LRRTM3: variants seen among roughly 807,000 people sequenced by gnomAD.
LRRTM3 encodes the protein leucine-rich repeat transmembrane neuronal protein 3.
LRRTM3 carries 24 observed loss-of-function variants against 44.7 expected under a neutral mutation model. The observed-to-expected ratio is 0.54, with a 90% CI of 0.39 to 0.76. The LOEUF (loss-of-function observed/expected upper bound fraction) is 0.76, where lower values mean the gene tolerates loss of function less well. Among genes scored for constraint, LRRTM3 ranks in the 30% least tolerant of loss-of-function variants. The probability of loss-of-function intolerance (pLI) is 0.00; values close to 1 mark genes in which losing one functional copy is unlikely to be tolerated. For missense variants in LRRTM3, 587 were observed against 702.2 expected (o/e 0.84, Z 1.85); for synonymous variants, 277 against 278.7 (o/e 0.99, Z 0.06).
intron 2 of LRRTM3, among the ~76,000 whole-genome samples, chr10:67,027,436 C>CTT (rs5785811): frequency 0.42 from 56,366 of 134,138 alleles, 12,892 homozygotes; most frequent in Middle Eastern, 0.64. Flanking sequence ...TCTTTCATGA[C>CTT]TTTTTTTTTT....
chr10:67,075,839 T>C (rs2131862774), intron 2 of LRRTM3, among the ~76,000 whole-genome samples: 1 of 152,336 alleles, frequency 6.6e-6, no homozygotes, highest in East Asian at 1.9e-4. Context: ...CAGGAAGCTT[T>C]TATAACTAGC....
chr10:66,929,913 T>C (rs934426800), intron 2 of LRRTM3, among the ~76,000 whole-genome samples: 5 of 152,216 alleles, frequency 3.3e-5, no homozygotes, highest in African/African-American at 9.6e-5. Flanking sequence ...AGTTCTATTA[T>C]AGAAGCAAAT....
In LRRTM3 at chr10:66,928,306, AAG is replaced by A; in HGVS notation, c.1392_1393del (p.Arg466ThrfsTer18). Reference protein sequence around the residue: ...QRSLMRRHRKKKRQSLKQMTP... With the variant: ...QRSLMRRHRKXKRQSLKQMTP... The stretch of plus-strand genomic sequence containing the variant: ...CTCCCTCATGCGAAGGCACAGGAAA[AAG>A]AAAAGACAGTCCCTAAAGCAAATGA... On this transcript the variant is annotated frameshift_variant, in exon 2 of 3. Transcript: ENST00000361320. LOFTEE classifies it high-confidence loss of function. 3 of 1,614,146 alleles carry A rather than the reference AAG, an allele frequency of 1.9e-6. No homozygotes were observed. Among genetic ancestry groups the A allele is most frequent in the Non-Finnish European group, 2.5e-6 (3 of 1,180,030 alleles).
intron 2 of LRRTM3, among the ~76,000 whole-genome samples, chr10:66,944,429 T>C (rs538441912): frequency 1.2e-4 from 18 of 152,140 alleles, no homozygotes; most frequent in Non-Finnish European, 2.5e-4. Flanking sequence ...TTCAGTTACT[T>C]CCTCCACTGA....
At chr10:66,957,095 C>T (rs1220293140) in intron 2 of LRRTM3, among the ~76,000 whole-genome samples, 1 of 152,100 alleles carries the variant, frequency 6.6e-6, no homozygotes, top group African/African-American at 2.4e-5. Context: ...TCACACATTT[C>T]CTGACAAACC....
intron 2 of LRRTM3, among the ~76,000 whole-genome samples, chr10:67,044,519 T>A (rs1466744543): frequency 2.0e-5 from 3 of 152,180 alleles, no homozygotes; most frequent in Admixed American, 6.5e-5. Context: ...TCTGGAAAGT[T>A]TCCCAGATTC....
chr10:66,926,884 TG>T, intron 1 of LRRTM3, 36 bp from the exon 2 acceptor site: 1 of 1,517,862 alleles, frequency 6.6e-7, no homozygotes, highest in Non-Finnish European at 8.8e-7. Context: ...AATTCTTTTT[TG>T]GGGGGATAAC....
chr10:67,099,584 G>A lies in LRRTM3; in HGVS notation c.*1788G>A, dbSNP rs912835944. ...GCAAATGTAAAAGCGGATTCAAGAAGAATGAACTTAAAAACTGTGGAGCAA... is the reference window on the plus strand; with the variant it reads ...GCAAATGTAAAAGCGGATTCAAGAAAAATGAACTTAAAAACTGTGGAGCAA... On this transcript the variant is annotated 3_prime_UTR_variant, in exon 3 of 3. Coordinates refer to ENST00000361320, the MANE Select transcript of LRRTM3 (RefSeq NM_178011.5). 1.3e-5 allele frequency: 2 copies of A among 152,068 alleles called. No homozygotes were observed. The highest frequency in any genetic ancestry group is 4.8e-5 in the African/African-American group (2 of 41,356). 9.4% of individuals were successfully genotyped at this position (152,068 alleles called of 1,614,324 possible).
chr10:66,999,467 T>C (rs1331412950), intron 2 of LRRTM3, among the ~76,000 whole-genome samples: 1 of 152,172 alleles, frequency 6.6e-6, no homozygotes, highest in African/African-American at 2.4e-5. Flanking sequence ...GCTGTTGTCA[T>C]CTTGTATGGA....
chr10:67,038,338 A>C (rs999396251), intron 2 of LRRTM3, among the ~76,000 whole-genome samples: 2 of 152,124 alleles, frequency 1.3e-5, no homozygotes, highest in African/African-American at 4.8e-5. Flanking sequence ...TTAATATTTT[A>C]GTTTACTTAA....
At chr10:67,011,845 G>A (rs10997482) in intron 2 of LRRTM3, among the ~76,000 whole-genome samples, 57,907 of 151,892 alleles carry the variant, frequency 0.38, 11,493 homozygotes, top group Middle Eastern at 0.58. Context: ...GGACCTACAG[G>A]TTGCATGTGG....
chr10:66,952,255 G>A (rs1848574259), intron 2 of LRRTM3, among the ~76,000 whole-genome samples: 1 of 152,150 alleles, frequency 6.6e-6, no homozygotes, highest in Non-Finnish European at 1.5e-5. Context: ...AAACTATGCA[G>A]GGGACAGAGC....
chr10:67,040,618 AT>A (rs890520956), intron 2 of LRRTM3, among the ~76,000 whole-genome samples: 8 of 152,104 alleles, frequency 5.3e-5, no homozygotes, highest in African/African-American at 9.7e-5. Context: ...ATGTGTCTAT[AT>A]TTTTTAAACA....
At chr10:66,941,165 G>A (rs758345585) in intron 2 of LRRTM3, among the ~76,000 whole-genome samples, 9 of 152,078 alleles carry the variant, frequency 5.9e-5, no homozygotes, top group Non-Finnish European at 8.8e-5. Flanking sequence ...CAGCTGAGTC[G>A]GTTAATTAAA....
chr10:66,940,182 T>G (rs1847926102), intron 2 of LRRTM3, among the ~76,000 whole-genome samples: 1 of 152,142 alleles, frequency 6.6e-6, no homozygotes, highest in African/African-American at 2.4e-5. Flanking sequence ...GAAATTTGCA[T>G]TAATCTACTT....
chr10:67,053,056 A>G (rs1855210034), intron 2 of LRRTM3, among the ~76,000 whole-genome samples: 1 of 152,176 alleles, frequency 6.6e-6, no homozygotes, highest in African/African-American at 2.4e-5. Context: ...ACACATACAA[A>G]AGCTAGAGCT....
intron 2 of LRRTM3, among the ~76,000 whole-genome samples, chr10:67,063,473 G>C (rs185260842): frequency 1.4e-3 from 212 of 152,266 alleles, no homozygotes; most frequent in African/African-American, 4.9e-3. Flanking sequence ...GTGAGGCAGG[G>C]TCAAGAGTTC....
intron 2 of LRRTM3, among the ~76,000 whole-genome samples, chr10:66,992,318 T>C (rs1851085452): frequency 1.3e-5 from 2 of 152,258 alleles, no homozygotes; most frequent in South Asian, 2.1e-4. Context: ...TTTGCACTTC[T>C]GTAAATCAAC....
intron 2 of LRRTM3, among the ~76,000 whole-genome samples, chr10:66,985,558 C>A (rs1850680526): frequency 6.6e-6 from 1 of 151,984 alleles, no homozygotes; most frequent in African/African-American, 2.4e-5. Flanking sequence ...CAACCAGAGG[C>A]CAGAAGTAAG....
Sources: gnomAD v4.1 joint callset for allele counts (sites outside exome capture counted in the v4.1 genomes callset) on GRCh38, gnomAD v4.1.1 for gene constraint, MANE v1.5 for transcripts, NCBI Gene and HGNC (gene_info 2026-07-23, HGNC 2026-07-21) for gene names.